Variants in CPED1 observed in about 807,000 individuals in gnomAD.
The protein encoded by CPED1 is cadherin-like and PC-esterase domain-containing protein 1.
A neutral mutation model predicts 128.2 loss-of-function variants in CPED1; 114 were observed. The ratio of observed to expected loss-of-function variants is 0.89; its 90% CI spans 0.76 to 1.04. The LOEUF is 1.04. Ranked by LOEUF, CPED1 falls within the 50% of genes least tolerant of loss-of-function variation. CPED1 has a pLI of 0.00. For missense variants in CPED1, 1,211 were observed against 1,207.1 expected (o/e 1.00, Z -0.05); for synonymous variants, 462 against 426.7 (o/e 1.08, Z -1.02).
intron 14 of CPED1, among the ~76,000 whole-genome samples, chr7:121,139,114 C>T (rs1457706112): frequency 6.6e-6 from 1 of 151,890 alleles, no homozygotes; most frequent in Admixed American, 6.6e-5. Flanking sequence ...CTGTTAGGAT[C>T]GTTGAAATTA....
chr7:121,293,961 G>A (rs757508376), intron 22 of CPED1, among the ~76,000 whole-genome samples: 36 of 152,018 alleles, frequency 2.4e-4, no homozygotes, highest in Non-Finnish European at 4.6e-4. Context: ...TGGCGATCTT[G>A]CCAGCCCCCC....
At chr7:121,186,532 A>G (rs1797008276) in intron 16 of CPED1, among the ~76,000 whole-genome samples, 1 of 152,106 alleles carries the variant, frequency 6.6e-6, no homozygotes, top group African/African-American at 2.4e-5. Context: ...ATTCCTTACA[A>G]GATTTCCAAC....
intron 12 of CPED1, among the ~76,000 whole-genome samples, chr7:121,132,237 A>G (rs1795687752): frequency 6.6e-6 from 1 of 152,086 alleles, no homozygotes; most frequent in South Asian, 2.1e-4. Flanking sequence ...TTGTTTGTTC[A>G]GGTTACAAAG....
At chr7:121,259,932 G>T (rs1002027382) in intron 18 of CPED1, among the ~76,000 whole-genome samples, 5 of 151,976 alleles carry the variant, frequency 3.3e-5, no homozygotes, top group African/African-American at 1.2e-4. Flanking sequence ...ACTTAAAGGT[G>T]TTTAAATTTT....
At chr7:121,006,871 A>G (rs1280065507) in intron 2 of CPED1, among the ~76,000 whole-genome samples, 1 of 152,128 alleles carries the variant, frequency 6.6e-6, no homozygotes, top group Admixed American at 6.6e-5. Flanking sequence ...TGAAAAAGAT[A>G]CTTTTTCAGA....
At chr7:121,227,402 C>T (rs915293786) in intron 16 of CPED1, among the ~76,000 whole-genome samples, 9 of 152,014 alleles carry the variant, frequency 5.9e-5, no homozygotes, top group South Asian at 4.2e-4. Flanking sequence ...GGGCTTACAT[C>T]GTGGATGGAT....
chr7:121,199,979 T>C (rs965525529), intron 16 of CPED1, among the ~76,000 whole-genome samples: 4 of 152,118 alleles, frequency 2.6e-5, no homozygotes, highest in African/African-American at 7.2e-5. Context: ...GAATCTGGTG[T>C]GTATTTTATA....
chr7:121,096,662 A>G (rs946873630), intron 5 of CPED1, among the ~76,000 whole-genome samples: 1 of 152,338 alleles, frequency 6.6e-6, no homozygotes, highest in South Asian at 2.1e-4. Context: ...AAAGAAAAAC[A>G]TTACAAAAAT....
At chr7:121,019,638 C>A (rs1032393561) in intron 3 of CPED1, among the ~76,000 whole-genome samples, 8 of 152,026 alleles carry the variant, frequency 5.3e-5, no homozygotes, top group African/African-American at 1.9e-4. Context: ...TAGATATTTA[C>A]AAACAGCATT....
chr7:121,200,866 A>G (rs563667774), intron 16 of CPED1, among the ~76,000 whole-genome samples: 1 of 152,260 alleles, frequency 6.6e-6, no homozygotes, highest in South Asian at 2.1e-4. Flanking sequence ...TGAGAGCAAT[A>G]GTGTCATTGT....
intron 6 of CPED1, 87 bp downstream of exon 6, chr7:121,097,918 T>A (rs919645654): frequency 2.1e-5 from 27 of 1,298,624 alleles, no homozygotes; most frequent in Non-Finnish European, 2.8e-5. Context: ...ATATGGGGGG[T>A]TCACATGTGT....
At chr7:121,114,214 G>A (rs1795179726) in intron 7 of CPED1, among the ~76,000 whole-genome samples, 1 of 152,160 alleles carries the variant, frequency 6.6e-6, no homozygotes, top group Admixed American at 6.5e-5. Context: ...TCATGATTTA[G>A]TGAAGACGAC....
intron 11 of CPED1, among the ~76,000 whole-genome samples, chr7:121,129,269 A>G (rs957325372): frequency 7.0e-6 from 1 of 142,648 alleles, no homozygotes; most frequent in African/African-American, 2.6e-5. Context: ...TAAAAAGTAT[A>G]TGTGTGTGTG....
intron 5 of CPED1, chr7:121,076,614 T>G (rs1794130595): frequency 6.6e-6 from 1 of 152,178 alleles, no homozygotes; most frequent in African/African-American, 2.4e-5. Context: ...AGAAGCTAAG[T>G]GCTGACTGCC....
chr7:121,150,350 C>A (rs1488440986), intron 16 of CPED1, among the ~76,000 whole-genome samples: 2 of 151,878 alleles, frequency 1.3e-5, no homozygotes, highest in African/African-American at 4.8e-5. Context: ...TGGCCTCCAG[C>A]TGCATCCATG....
rs1327287920 is a variant in CPED1, at chr7:121,101,594, A to G, written c.918+1500A>G. Among the ~76,000 whole-genome samples the G allele has an allele frequency of 2.0e-5, 3 of 152,246 alleles. No homozygotes were observed. In the East Asian group the frequency reaches 5.8e-4, roughly 29 times the overall value. On this transcript the variant is annotated intron_variant, in intron 7 of 22. Transcript: ENST00000310396. The stretch of plus-strand genomic sequence containing the variant: ...AATCTGTGTCCGTTTTTGCATTGCT[A>G]TAAAGGAACACGTGAGGCTGGGAAA...
intron 16 of CPED1, among the ~76,000 whole-genome samples, chr7:121,161,857 TAGC>T (rs774338916): frequency 5.3e-5 from 8 of 152,190 alleles, no homozygotes; most frequent in Non-Finnish European, 8.8e-5. Flanking sequence ...TTTGTCAACA[TAGC>T]AGGATAGTAG....
intron 2 of CPED1, among the ~76,000 whole-genome samples, chr7:120,994,859 T>C (rs1034504691): frequency 6.6e-6 from 1 of 152,136 alleles, no homozygotes; most frequent in Non-Finnish European, 1.5e-5. Flanking sequence ...AAACACACAT[T>C]GCAGAATGGA....
intron 7 of CPED1, among the ~76,000 whole-genome samples, chr7:121,108,591 G>A (rs917211084): frequency 6.6e-6 from 1 of 151,806 alleles, no homozygotes; most frequent in Non-Finnish European, 1.5e-5. Context: ...TGTACATTTT[G>A]TAATGTTTTT....
Sources: gnomAD v4.1 joint callset for allele counts (sites outside exome capture counted in the v4.1 genomes callset) on GRCh38, gnomAD v4.1.1 for gene constraint, MANE v1.5 for transcripts, NCBI Gene and HGNC (gene_info 2026-07-23, HGNC 2026-07-21) for gene names.